The following CTSD variants were observed in gnomAD, a reference collection of about 807,000 sequenced individuals.
The protein encoded by CTSD is ceroid-lipofuscinosis, neuronal 10.
A neutral mutation model predicts 43.6 loss-of-function variants in CTSD; 28 were observed. That is an observed-to-expected ratio of 0.64 (90% CI 0.48 to 0.88). The LOEUF is 0.88. CTSD is among the 40% of genes least tolerant of loss of function. The pLI is 0.00. For synonymous variants in CTSD, 270 were observed against 249.8 expected, an observed-to-expected ratio of 1.08 and a Z score of -0.76; for missense variants, 485 against 555.2, an observed-to-expected ratio of 0.87 and a Z score of 1.27.
At position 1,754,054 on chromosome 11, in the gene CTSD, C is replaced by G. The variant is rs140238987; in HGVS notation, c.912G>C (p.Pro304=). The part of the protein sequence containing the change: ...VDTGTSLMVG[P]VDEVRELQKA... ...TCTGCAGCTCGCGCACCTCATCCACCGGGCCCACCATGAGGGAAGTGCCTG... is the reference window on the plus strand; with the variant it reads ...TCTGCAGCTCGCGCACCTCATCCACGGGGCCCACCATGAGGGAAGTGCCTG... Residue 304 remains proline (P), a synonymous_variant, in exon 7 of 9, where the codon CCG becomes CCC. Transcript: ENST00000236671. 1 of 1,611,058 alleles carries G rather than the reference C, an allele frequency of 6.2e-7. No homozygotes were observed. Among genetic ancestry groups the G allele is most frequent in the Non-Finnish European group, 8.5e-7 (1 of 1,179,508 alleles).
At chr11:1,757,173 C>A in intron 5 of CTSD, 151 bp downstream of exon 5, 1 of 730,296 alleles carries the variant, frequency 1.4e-6, no homozygotes. Flanking sequence ...CGGCCAACCC[C>A]CGCCTCCCGG....
intron 4 of CTSD, among the ~76,000 whole-genome samples, chr11:1,758,209 G>C (rs1390713735): frequency 6.6e-6 from 1 of 152,144 alleles, no homozygotes; most frequent in Non-Finnish European, 1.5e-5. Context: ...AGCCCAGCAG[G>C]GAACTGTTAG....
Position 1,759,474 on chromosome 11 carries a change from A to G in CTSD, c.352+42T>C, listed in dbSNP as rs149907533. 0.018 allele frequency: 29,664 copies of G among 1,611,296 alleles called. 346 individuals carry two copies. Among genetic ancestry groups the G allele is most frequent in the Non-Finnish European group, 0.021 (24,934 of 1,179,604 alleles). On this transcript the variant is annotated intron_variant, in intron 3 of 8. Coordinates refer to ENST00000236671, the MANE Select transcript of CTSD (RefSeq NM_001909.5). ...AGGCAGCCCTGCAGCGACATCCCGG[A>G]AGGGCAGGACCTGGGCGACGGGGCC...
chr11:1,754,490 AGAGGGATGTGGGGATG>A (rs1565019363), intron 6 of CTSD, among the ~76,000 whole-genome samples: 1 of 34,404 alleles, frequency 2.9e-5, no homozygotes, highest in Non-Finnish European at 5.8e-5. Flanking sequence ...GGAGAGTCAC[AGAGGGATGTGGGGATG>A]GAGGGATGGA....
Position 1,753,407 on chromosome 11 carries a change from A to T in CTSD, c.*96T>A. On this transcript the variant is annotated 3_prime_UTR_variant, in exon 9 of 9. Coordinates refer to ENST00000236671, the MANE Select transcript of CTSD (RefSeq NM_001909.5). ...GGGCGCCCAGGACAGTGGGCGGGCG[A>T]GTGTGTGGGTGTGTGTGGGAGGGGC... The T allele has an allele frequency of 1.4e-6, 2 of 1,451,182 alleles. No homozygotes were observed. The highest frequency in any genetic ancestry group is 1.9e-6 in the Non-Finnish European group (2 of 1,035,764). The allele number at this position is 1,451,182 out of a possible 1,614,324, so 89.9% of individuals were successfully genotyped here. A position where few individuals can be genotyped will look rare whatever the true frequency, so the allele number is the denominator to read the frequency against.
chr11:1,758,969 C>T lies in CTSD; in HGVS notation c.471G>A (p.Ser157=), dbSNP rs760318745. The T allele has an allele frequency of 1.3e-5, 21 of 1,603,588 alleles. No homozygotes were observed. Among genetic ancestry groups the T allele is most frequent in the African/African-American group, 5.4e-5 (4 of 74,652 alleles). Residue 157 remains serine, a splice_region_variant and synonymous_variant, in exon 4 of 9, where the codon TCG becomes TCA. Transcript: ENST00000236671. ...LSGYLSQDTV[S]VPCQSASSAS... The stretch of plus-strand genomic sequence containing the variant: ...TGGGAAAGGCCCCAGAGGGACTCAC[C>T]GACACAGTGTCCTGGCTCAGGTACC...
chr11:1,757,621 G>A (rs1434926718), intron 4 of CTSD, 65 bp from the exon 5 acceptor site: 8 of 1,362,990 alleles, frequency 5.9e-6, no homozygotes, highest in African/African-American at 1.4e-5. Flanking sequence ...CCCTGAGCAT[G>A]AGGCTACAAA....
rs558580934 is a variant in CTSD, at chr11:1,754,761, G to A, written c.827+145C>T. 1.8e-5 allele frequency: 18 copies of A among 1,021,498 alleles called. No individual in the cohort carries two copies. In the African/African-American group the frequency reaches 2.4e-4, roughly 13 times the overall value. The allele number at this position is 1,021,498 out of a possible 1,614,324, so 63.3% of individuals were successfully genotyped here. A position where few individuals can be genotyped will look rare whatever the true frequency, so the allele number is the denominator to read the frequency against. On this transcript the variant is annotated intron_variant, in intron 6 of 8. Coordinates refer to ENST00000236671, the MANE Select transcript of CTSD (RefSeq NM_001909.5). ...TGGAGGGGCAAGGAGGGGCATGGAG[G>A]GCTGGTCTGACCCCATCTCTTTCTT...
chr11:1,753,968 C>A (rs1053497172), intron 7 of CTSD, 26 bp downstream of exon 7: 4 of 1,605,678 alleles, frequency 2.5e-6, no homozygotes, highest in African/African-American at 2.7e-5. Context: ...CCAGCCCCAG[C>A]CCCAGCCCCA....
rs369424685 is a variant in CTSD at position 1,759,074 on chromosome 11, C to A, written c.366G>T (p.Lys122Asn). The A allele has an allele frequency of 1.9e-6, 3 of 1,613,762 alleles. No individual in the cohort carries two copies. The highest frequency in any genetic ancestry group is 8.5e-7 in the Non-Finnish European group (1 of 1,179,630). ...AGGTGCTGGACTTGTCGCTGTTGTA[C>A]TTGTGGTGGATCCCTGCCCCGGGCG... is the stretch of plus-strand genomic sequence containing the variant. ...LLDIACWIHH[K>N]YNSDKSSTYV... Residue 122 changes from lysine (K) to asparagine (N), a missense_variant, in exon 4 of 9, where the codon AAG becomes AAT. Lys to Asn is a moderately conservative substitution (Grantham distance 94). Coordinates refer to ENST00000236671, the MANE Select transcript of CTSD (RefSeq NM_001909.5).
chr11:1,759,746 G>A, intron 2 of CTSD, 107 bp from the exon 3 acceptor site: 1 of 1,190,582 alleles, frequency 8.4e-7, no homozygotes, highest in Non-Finnish European at 1.1e-6. Flanking sequence ...CTGGAGGGAG[G>A]GGCATCACGG....
intron 1 of CTSD, among the ~76,000 whole-genome samples, chr11:1,762,778 C>A (rs1268830156): frequency 6.6e-6 from 1 of 152,204 alleles, no homozygotes; most frequent in Non-Finnish European, 1.5e-5. Flanking sequence ...AAGGTCAAGG[C>A]AGGCTCAGGC....
At chr11:1,761,126 G>A (rs1365074811) in intron 2 of CTSD, 183 bp downstream of exon 2, 2 of 671,848 alleles carry the variant, frequency 3.0e-6, no homozygotes, top group African/African-American at 1.8e-5. Context: ...AATGACAGGG[G>A]CCAGTGGCAG....
At chr11:1,754,289 A>G (rs1845768377) in intron 6 of CTSD, 151 bp from the exon 7 acceptor site, 1 of 869,356 alleles carries the variant, frequency 1.2e-6, no homozygotes, top group African/African-American at 1.7e-5. Flanking sequence ...CCCTCCAGGG[A>G]AGAGGGTGGG....
intron 8 of CTSD, 60 bp from the exon 9 acceptor site, chr11:1,753,730 C>T: frequency 6.2e-7 from 1 of 1,608,470 alleles, no homozygotes; most frequent in Non-Finnish European, 8.5e-7. Context: ...CCACCTGTTG[C>T]CCGCTCACCT....
chr11:1,753,149 G>C lies in CTSD; in HGVS notation c.*354C>G. The C allele has an allele frequency of 2.7e-6, 1 of 366,592 alleles. No homozygotes were observed. Among genetic ancestry groups the C allele is most frequent in the African/African-American group, 2.1e-5 (1 of 47,650 alleles). 22.7% of individuals were successfully genotyped at this position (366,592 alleles called of 1,614,324 possible). A position where few individuals can be genotyped will look rare whatever the true frequency, so the allele number is the denominator to read the frequency against. On this transcript the variant is annotated 3_prime_UTR_variant, in exon 9 of 9. Coordinates refer to ENST00000236671, the MANE Select transcript of CTSD (RefSeq NM_001909.5). ...GGGGTAGGGGCTCAGCCCAGCGGGC[G>C]CTGGTAGGGCCGGGGAGGGGACTCC...
chr11:1,758,328 C>T (rs1371558826), intron 4 of CTSD, among the ~76,000 whole-genome samples: 5 of 152,134 alleles, frequency 3.3e-5, no homozygotes, highest in African/African-American at 4.8e-5. Context: ...GTCACCATCC[C>T]GTAACTCCTG....
chr11:1,760,392 T>A (rs1845860422), intron 2 of CTSD: 1 of 152,230 alleles, frequency 6.6e-6, no homozygotes, highest in South Asian at 2.1e-4. Context: ...GGGCGCCCGC[T>A]TCCCCCAGGA....
intron 8 of CTSD, 48 bp downstream of exon 8, chr11:1,753,755 C>G (rs1210805467): frequency 1.2e-6 from 2 of 1,608,996 alleles, no homozygotes; most frequent in Non-Finnish European, 1.7e-6. Context: ...CGTGCGCCCC[C>G]TCACCGCCCG....
Sources: allele counts gnomAD v4.1 joint callset (sites outside exome capture counted in the v4.1 genomes callset), GRCh38; gene constraint gnomAD v4.1.1; transcripts MANE v1.5; gene names NCBI Gene and HGNC (gene_info 2026-07-23, HGNC 2026-07-21).